The following NAALADL2 variants were observed in gnomAD, a reference collection of about 807,000 sequenced individuals.
The protein encoded by NAALADL2 is N-acetylated alpha-linked acidic dipeptidase like 2.
Under a neutral mutation model 87.2 loss-of-function variants are expected in NAALADL2, and 76 were observed. The ratio of observed to expected loss-of-function variants is 0.87; its 90% CI spans 0.72 to 1.05. The LOEUF (loss-of-function observed/expected upper bound fraction) is 1.05. NAALADL2 is among the 50% of genes least tolerant of loss of function. The pLI is 0.00. For missense variants in NAALADL2, 1,089 were observed against 945.8 expected (o/e 1.15, Z -1.99); for synonymous variants, 354 against 331.0 (o/e 1.07, Z -0.75).
chr3:174,808,939 A>T (rs1345874354), intron 3 of NAALADL2, among the ~76,000 whole-genome samples: 5 of 152,110 alleles, frequency 3.3e-5, no homozygotes, highest in Non-Finnish European at 7.4e-5. Context: ...CTTGAGTGAT[A>T]TGAAATCATT....
At chr3:175,767,073 C>G (rs1021307823) in intron 13 of NAALADL2, among the ~76,000 whole-genome samples, 4 of 152,122 alleles carry the variant, frequency 2.6e-5, no homozygotes, top group African/African-American at 9.7e-5. Context: ...CACTAGTTGA[C>G]AAGGAAAGGA....
At chr3:174,773,465 C>T (rs1714828315) in intron 3 of NAALADL2, among the ~76,000 whole-genome samples, 1 of 152,068 alleles carries the variant, frequency 6.6e-6, no homozygotes, top group African/African-American at 2.4e-5. Context: ...ATAGACTCTC[C>T]ATCCCTTTAA....
intron 2 of NAALADL2, among the ~76,000 whole-genome samples, chr3:174,578,125 A>C (rs1188309984): frequency 6.6e-6 from 1 of 152,014 alleles, no homozygotes. Context: ...ACGTATTATC[A>C]CTGACCTGTG....
intron 10 of NAALADL2, among the ~76,000 whole-genome samples, chr3:175,585,964 T>G (rs890983534): frequency 6.6e-6 from 1 of 152,168 alleles, no homozygotes; most frequent in Non-Finnish European, 1.5e-5. Flanking sequence ...TGAAAATATT[T>G]TGGAAACTAA....
chr3:175,707,861 A>G (rs1212341303), intron 11 of NAALADL2, among the ~76,000 whole-genome samples: 1 of 152,066 alleles, frequency 6.6e-6, no homozygotes, highest in East Asian at 1.9e-4. Flanking sequence ...AATTAATATG[A>G]TAGAAGCGCT....
chr3:175,117,694 G>A (rs974145557), intron 2 of NAALADL2, among the ~76,000 whole-genome samples: 5 of 151,592 alleles, frequency 3.3e-5, no homozygotes, highest in African/African-American at 1.2e-4. Context: ...CAACCATTGT[G>A]GAAGACAGTG....
At chr3:175,367,316 T>A (rs1765760984) in intron 5 of NAALADL2, among the ~76,000 whole-genome samples, 1 of 151,484 alleles carries the variant, frequency 6.6e-6, no homozygotes, top group African/African-American at 2.4e-5. Context: ...TTTGTTCTTT[T>A]GGCTTAGGAT....
chr3:175,204,078 C>T (rs918060718), intron 2 of NAALADL2, among the ~76,000 whole-genome samples: 4 of 152,102 alleles, frequency 2.6e-5, no homozygotes, highest in African/African-American at 9.7e-5. Flanking sequence ...AGAAGGAACC[C>T]TCCCTAATTC....
At chr3:175,026,009 C>G (rs149849688) in intron 1 of NAALADL2, among the ~76,000 whole-genome samples, 8 of 152,112 alleles carry the variant, frequency 5.3e-5, no homozygotes, top group Non-Finnish European at 1.2e-4. Context: ...CGGGGTCTCC[C>G]TATGTTGCCT....
At chr3:174,582,042 A>C (rs1052076186) in intron 2 of NAALADL2, among the ~76,000 whole-genome samples, 1 of 152,174 alleles carries the variant, frequency 6.6e-6, no homozygotes, top group African/African-American at 2.4e-5. Context: ...AGAATGGCTG[A>C]GATAGATAGA....
intron 2 of NAALADL2, among the ~76,000 whole-genome samples, chr3:174,708,143 G>A (rs1398487351): frequency 6.6e-6 from 1 of 152,106 alleles, no homozygotes; most frequent in Non-Finnish European, 1.5e-5. Flanking sequence ...TAACTAGTTT[G>A]TATGGTTTGA....
At position 174,496,757 on chromosome 3, in the gene NAALADL2, G is replaced by A. The variant is rs1018540444; in HGVS notation, c.-183-53812G>A. Among the ~76,000 whole-genome samples the A allele has an allele frequency of 1.2e-4, 18 of 152,154 alleles. No homozygotes were observed. In the East Asian group the frequency reaches 3.5e-3, roughly 29 times the overall value. On this transcript the variant is annotated intron_variant, in intron 1 of 3. Transcript: ENST00000434257. ...AATTAAATAACAGTGAACTCAAGTT[G>A]TGTTAGAACAGTTACAAAACTATTT...
intron 5 of NAALADL2, among the ~76,000 whole-genome samples, chr3:175,338,822 C>T (rs1020300284): frequency 6.6e-6 from 1 of 152,100 alleles, no homozygotes; most frequent in African/African-American, 2.4e-5. Flanking sequence ...GGGGCTGAGC[C>T]TCTTGGGCAC....
intron 1 of NAALADL2, among the ~76,000 whole-genome samples, chr3:174,473,715 G>C (rs1334379441): frequency 2.6e-5 from 4 of 151,820 alleles, no homozygotes; most frequent in Admixed American, 6.6e-5. Flanking sequence ...TATTGACTTT[G>C]GACTAAAAAA....
At chr3:174,943,491 T>C (rs1738928914) in intron 1 of NAALADL2, among the ~76,000 whole-genome samples, 8 of 152,202 alleles carry the variant, frequency 5.3e-5, no homozygotes, top group Admixed American at 5.2e-4. Context: ...CTGTGAATCA[T>C]GGCTTGGCAC....
intron 1 of NAALADL2, among the ~76,000 whole-genome samples, chr3:174,884,289 T>C (rs995608778): frequency 6.6e-6 from 1 of 152,194 alleles, no homozygotes; most frequent in Non-Finnish European, 1.5e-5. Context: ...TGTTGGACGC[T>C]GATTCAGAGC....
chr3:175,196,942 T>G (rs1739102691), intron 2 of NAALADL2, among the ~76,000 whole-genome samples: 1 of 151,996 alleles, frequency 6.6e-6, no homozygotes, highest in East Asian at 1.9e-4. Context: ...GTTGCACTTT[T>G]TATGGGTCAT....
At chr3:174,820,973 A>C (rs1721355444) in intron 3 of NAALADL2, among the ~76,000 whole-genome samples, 1 of 152,188 alleles carries the variant, frequency 6.6e-6, no homozygotes, top group South Asian at 2.1e-4. Flanking sequence ...TCACTCTCCA[A>C]TATTCAGAAA....
At chr3:175,009,065 C>A (rs932114676) in intron 1 of NAALADL2, among the ~76,000 whole-genome samples, 1 of 152,064 alleles carries the variant, frequency 6.6e-6, no homozygotes, top group Admixed American at 6.6e-5. Context: ...CTTTCTAGAG[C>A]AGTAGTTTTA....
Sources: allele counts gnomAD v4.1 joint callset (sites outside exome capture counted in the v4.1 genomes callset), GRCh38; gene constraint gnomAD v4.1.1; transcripts MANE v1.5; gene names NCBI Gene and HGNC (gene_info 2026-07-23, HGNC 2026-07-21).